The following XXYLT1 variants were observed in gnomAD, a reference collection of about 807,000 sequenced individuals.
XXYLT1 encodes xyloside xylosyltransferase 1, also known as UDP-xylose:alpha-xyloside alpha-1,3-xylosyltransferase.
Under a neutral mutation model 28.9 loss-of-function variants are expected in XXYLT1, and 20 were observed. That is an observed-to-expected ratio of 0.69 (90% CI 0.49 to 1.00). The LOEUF (loss-of-function observed/expected upper bound fraction) is 1.00, where lower values mean the gene tolerates loss of function less well. Among genes scored for constraint, XXYLT1 ranks in the 50% least tolerant of loss-of-function variants. The pLI is 0.00. For synonymous variants in XXYLT1, 257 were observed against 253.8 expected (o/e 1.01, Z -0.12); for missense variants, 542 against 560.1 (o/e 0.97, Z 0.33).
intron 3 of XXYLT1, among the ~76,000 whole-genome samples, chr3:195,123,352 C>T (rs539308208): frequency 6.6e-6 from 1 of 152,206 alleles, no homozygotes. Context: ...GCAAGCCCCC[C>T]TCTCCTGGCC....
intron 2 of XXYLT1, among the ~76,000 whole-genome samples, chr3:195,206,118 G>A (rs533100454): frequency 3.4e-5 from 5 of 147,574 alleles, no homozygotes; most frequent in Admixed American, 6.9e-5. Flanking sequence ...TCTGCCTCCC[G>A]GGTTCACACC....
chr3:195,199,624 A>G (rs542881882), intron 2 of XXYLT1, among the ~76,000 whole-genome samples: 122 of 152,192 alleles, frequency 8.0e-4, no homozygotes, highest in African/African-American at 2.9e-3. Context: ...AGAAAAAAAA[A>G]GAATCTTGTT....
At chr3:195,093,102 C>G in intron 3 of XXYLT1, among the ~76,000 whole-genome samples, 1 of 74,188 alleles carries the variant, frequency 1.3e-5, no homozygotes, top group African/African-American at 8.8e-5. Context: ...CTAGTTCAAC[C>G]ATTGTGGAAG....
intron 2 of XXYLT1, among the ~76,000 whole-genome samples, chr3:195,197,856 T>C (rs1245456738): frequency 3.9e-5 from 6 of 152,300 alleles, no homozygotes; most frequent in Non-Finnish European, 7.4e-5. Context: ...CATTCCCCTC[T>C]AGGCCAGCAG....
chr3:195,157,809 G>A (rs1308844611), intron 2 of XXYLT1, among the ~76,000 whole-genome samples: 2 of 152,192 alleles, frequency 1.3e-5, no homozygotes, highest in Non-Finnish European at 2.9e-5. Flanking sequence ...ACCCGGCCTG[G>A]GAATCAGAAC....
At chr3:195,265,581 T>G (rs1725824618) in intron 1 of XXYLT1, among the ~76,000 whole-genome samples, 1 of 152,158 alleles carries the variant, frequency 6.6e-6, no homozygotes. Context: ...TGCAGAGAGC[T>G]GGCCAGCATG....
intron 3 of XXYLT1, among the ~76,000 whole-genome samples, chr3:195,112,514 C>A (rs75106574): frequency 0.079 from 3,457 of 43,556 alleles, 116 homozygotes; most frequent in African/African-American, 0.16. Context: ...CCACACACAC[C>A]CACACACACA....
intron 3 of XXYLT1, among the ~76,000 whole-genome samples, chr3:195,096,745 A>C (rs755058274): frequency 2.0e-5 from 3 of 152,210 alleles, no homozygotes; most frequent in Non-Finnish European, 4.4e-5. Flanking sequence ...TTAAAATCAG[A>C]ACATAGAGAC....
At position 195,069,867 on chromosome 3, in the gene XXYLT1, G is replaced by C. The variant is rs1317925662; in HGVS notation, c.1030C>G (p.Leu344Val). Residue 344 changes from leucine to valine, a missense_variant, in exon 4 of 4, where the codon CTC becomes GTC. Coordinates refer to ENST00000310380, the MANE Select transcript of XXYLT1 (RefSeq NM_152531.5). ...CAGGTACAGTCCAGCACATGGAAGA[G>C]CTTGGGGTGCTCCATGCCGATCATG... is the stretch of plus-strand genomic sequence containing the variant. ...FTMIGMEHPK[L>V]FHVLDCTWNR... The C allele has an allele frequency of 2.5e-6, 4 of 1,614,046 alleles. No individual in the cohort carries two copies. Among genetic ancestry groups the C allele is most frequent in the Non-Finnish European group, 3.4e-6 (4 of 1,180,036 alleles).
chr3:195,223,069 C>T (rs1167883224), intron 2 of XXYLT1, among the ~76,000 whole-genome samples: 2 of 135,510 alleles, frequency 1.5e-5, no homozygotes, highest in East Asian at 2.1e-4. Flanking sequence ...ACTAAAAATA[C>T]AAAAAAAAAA....
At chr3:195,107,539 G>A (rs1350201786) in intron 3 of XXYLT1, among the ~76,000 whole-genome samples, 939 of 15,280 alleles carry the variant, frequency 0.061, 159 homozygotes, top group Non-Finnish European at 0.087. Flanking sequence ...GAGGAGGAGG[G>A]GGAGGAGGAG....
At chr3:195,232,684 T>C (rs1208992193) in intron 1 of XXYLT1, among the ~76,000 whole-genome samples, 2 of 152,226 alleles carry the variant, frequency 1.3e-5, no homozygotes, top group African/African-American at 4.8e-5. Context: ...TGTGTTTGTA[T>C]AGTTTCCAAA....
chr3:195,120,253 C>T (rs1420133757), intron 3 of XXYLT1, among the ~76,000 whole-genome samples: 3 of 149,704 alleles, frequency 2.0e-5, no homozygotes, highest in African/African-American at 7.4e-5. Context: ...GTGCCCCTCC[C>T]AACCCCACCA....
chr3:195,088,095 G>A (rs1004948923), intron 3 of XXYLT1, among the ~76,000 whole-genome samples: 6 of 151,926 alleles, frequency 3.9e-5, no homozygotes, highest in Non-Finnish European at 7.4e-5. Context: ...CAAGGTGGCA[G>A]CGAGGCTGGG....
At chr3:195,236,736 C>A (rs900957984) in intron 1 of XXYLT1, among the ~76,000 whole-genome samples, 1 of 152,110 alleles carries the variant, frequency 6.6e-6, no homozygotes, top group Admixed American at 6.5e-5. Context: ...AGAGTCTCAC[C>A]CAAGGCCCAT....
At chr3:195,213,110 C>A (rs550702560) in intron 2 of XXYLT1, among the ~76,000 whole-genome samples, 4 of 152,298 alleles carry the variant, frequency 2.6e-5, no homozygotes, top group African/African-American at 9.6e-5. Flanking sequence ...GCACACCCAA[C>A]GACATGCTCT....
At chr3:195,109,080 G>A (rs56180560) in intron 3 of XXYLT1, among the ~76,000 whole-genome samples, 4,256 of 152,164 alleles carry the variant, frequency 0.028, 165 homozygotes, top group African/African-American at 0.096. Flanking sequence ...AACTCGAAAG[G>A]GGCAGAGCCA....
chr3:195,173,536 G>A lies in XXYLT1; in HGVS notation c.653-16955C>T, dbSNP rs1577107912. Among the ~76,000 whole-genome samples the A allele has an allele frequency of 6.6e-6, 1 of 152,164 alleles. No homozygotes were observed. The highest frequency in any genetic ancestry group is 1.5e-5 in the Non-Finnish European group (1 of 68,026). On this transcript the variant is annotated intron_variant, in intron 2 of 3. Coordinates refer to ENST00000310380, the MANE Select transcript of XXYLT1 (RefSeq NM_152531.5). This position sits in a 1 kb window ranked among gnomAD's most constrained non-coding sequence, Gnocchi z 4.3. ...AAACTCTATTTTTATTCACTGAATC[G>A]TATGCTCCTAATGACTAAAAGCATC...
chr3:195,207,251 C>G (rs1395668866), intron 2 of XXYLT1, among the ~76,000 whole-genome samples: 2 of 152,222 alleles, frequency 1.3e-5, no homozygotes, highest in African/African-American at 2.4e-5. Context: ...GCCCCACACA[C>G]AGTTGGTGGC....
Sources: gnomAD v4.1 joint callset for allele counts (sites outside exome capture counted in the v4.1 genomes callset) on GRCh38, gnomAD v4.1.1 for gene constraint, Gnocchi (gnomAD v3.1) non-coding constraint, MANE v1.5 for transcripts, NCBI Gene and HGNC (gene_info 2026-07-23, HGNC 2026-07-21) for gene names.